The following CLPTM1 variants were observed in gnomAD, a reference collection of about 807,000 sequenced individuals.
CLPTM1 encodes CLPTM1 regulator of GABA type A receptor forward trafficking.
CLPTM1 carries 21 observed loss-of-function variants against 77.3 expected under a neutral mutation model. The ratio of observed to expected loss-of-function variants is 0.27; its 90% CI spans 0.19 to 0.39. CLPTM1 has a LOEUF of 0.39. CLPTM1 is among the 10% of genes least tolerant of loss of function. CLPTM1 has a pLI of 1.00. For missense variants in CLPTM1, 642 were observed against 921.2 expected (o/e 0.70, Z 3.92); for synonymous variants, 373 against 381.0 (o/e 0.98, Z 0.24).
chr19:44,976,000 C>G (rs1428512363), intron 4 of CLPTM1, among the ~76,000 whole-genome samples: 2 of 152,140 alleles, frequency 1.3e-5, no homozygotes, highest in African/African-American at 4.8e-5. Context: ...GTAGCTGGGA[C>G]AACAGGCATG....
Position 44,974,730 on chromosome 19 carries a change from G to C in CLPTM1, c.468+133G>C. ...CTTGGCCCTTCCCTGGGCTCACATG[G>C]TCTGTGACCACAAGCCAGTCCCTGA... On this transcript the variant is annotated intron_variant, in intron 4 of 13. Transcript: ENST00000337392. 5 of 974,154 alleles carry C rather than the reference G, an allele frequency of 5.1e-6. No homozygotes were observed. The South Asian group carries it at 8.6e-5, about 17-fold the overall frequency. The allele number at this position is 974,154 out of a possible 1,614,324, so 60.3% of individuals were successfully genotyped here.
chr19:44,954,914 A>C, upstream of CLPTM1: 1 of 1,437,384 alleles, frequency 7.0e-7, no homozygotes, highest in Non-Finnish European at 9.4e-7. Flanking sequence ...GCAAAAGGCT[A>C]GTTCTTCGAA....
chr19:44,977,977 G>A (rs1970832021), intron 5 of CLPTM1, among the ~76,000 whole-genome samples: 1 of 152,126 alleles, frequency 6.6e-6, no homozygotes, highest in South Asian at 2.1e-4. Flanking sequence ...AACTAGCTGG[G>A]CGTGTGCCTG....
chr19:44,961,919 C>G, intron 1 of CLPTM1, 44 bp from the exon 2 acceptor site: 1 of 1,356,390 alleles, frequency 7.4e-7, no homozygotes, highest in South Asian at 1.4e-5. Flanking sequence ...AAGACAGCCC[C>G]CGTGTCCATT....
In CLPTM1 at chr19:44,989,666, C is replaced by T. The variant is rs1010814225; in HGVS notation, c.1133-729C>T. 4.6e-5 allele frequency among the ~76,000 whole-genome samples: 7 copies of T among 152,252 alleles called. No homozygotes were observed. In the East Asian group the frequency reaches 1.2e-3, roughly 25 times the overall value. The stretch of plus-strand genomic sequence containing the variant: ...CCTGAGTGCAGAGCTGGCCCTGACT[C>T]TGCAGGACTGCAGACCTGGCTCCAC... On this transcript the variant is annotated intron_variant, in intron 9 of 13. Coordinates refer to ENST00000337392, the MANE Select transcript of CLPTM1 (RefSeq NM_001294.4).
chr19:44,990,957 G>T lies in CLPTM1; in HGVS notation c.1419+12G>T. 6.3e-7 allele frequency: 1 copy of T among 1,588,044 alleles called. No individual in the cohort carries two copies. Among genetic ancestry groups the T allele is most frequent in the Non-Finnish European group, 8.6e-7 (1 of 1,165,266 alleles). Reference sequence around the variant, plus strand: ...AAGTGTATGATGATGTGAGTGTCCTGCACAGTGGGCCCCTGGGGGTGGTCT... The same window carrying T: ...AAGTGTATGATGATGTGAGTGTCCTTCACAGTGGGCCCCTGGGGGTGGTCT... On this transcript the variant is annotated intron_variant, in intron 11 of 13. Coordinates refer to ENST00000337392, the MANE Select transcript of CLPTM1 (RefSeq NM_001294.4). The surrounding 1 kb of genome is among the most constrained non-coding windows in gnomAD (Gnocchi z 4.8).
At chr19:44,972,495 C>T (rs1970736548) in intron 2 of CLPTM1, among the ~76,000 whole-genome samples, 6 of 152,000 alleles carry the variant, frequency 3.9e-5, no homozygotes, top group Admixed American at 1.3e-4. Context: ...GTGATCCGCC[C>T]GCCTTGGCCT....
intron 2 of CLPTM1, among the ~76,000 whole-genome samples, chr19:44,971,867 CTTTTTTTTTT>C (rs10693027): frequency 2.4e-5 from 2 of 83,288 alleles, no homozygotes; most frequent in South Asian, 4.2e-4. Flanking sequence ...CCCAATTATA[CTTTTTTTTTT>C]TTTTTTTTTT....
intron 5 of CLPTM1, among the ~76,000 whole-genome samples, chr19:44,979,528 C>G (rs1204742946): frequency 6.6e-6 from 1 of 152,162 alleles, no homozygotes; most frequent in Non-Finnish European, 1.5e-5. Context: ...AGACAGAATT[C>G]TATTTGTATG....
At position 44,982,151 on chromosome 19, in the gene CLPTM1, C is replaced by A. The variant is rs189796456; in HGVS notation, c.587-3067C>A. Among the ~76,000 whole-genome samples the A allele has an allele frequency of 9.4e-4, 143 of 151,842 alleles. 1 individual carries two copies. The South Asian group carries it at 0.015, about 16-fold the overall frequency. ...ATCACTTGAGGCCAGGAGTTTGAGA[C>A]CAGCCTGGCCAACATAATGAAACCC... On this transcript the variant is annotated intron_variant, in intron 5 of 13. Coordinates refer to ENST00000337392, the MANE Select transcript of CLPTM1 (RefSeq NM_001294.4).
At chr19:44,972,003 T>C (rs1312079534) in intron 2 of CLPTM1, among the ~76,000 whole-genome samples, 4 of 147,892 alleles carry the variant, frequency 2.7e-5, no homozygotes, top group African/African-American at 1.0e-4. Flanking sequence ...CCCAAGTAGA[T>C]GGGACTAGAG....
intron 6 of CLPTM1, among the ~76,000 whole-genome samples, chr19:44,985,640 A>G (rs1333909049): frequency 6.6e-6 from 1 of 152,212 alleles, no homozygotes; most frequent in Non-Finnish European, 1.5e-5. Flanking sequence ...GCCAGGCCCC[A>G]GAGCCCAAGC....
At chr19:44,979,525 A>G (rs1242225296) in intron 5 of CLPTM1, among the ~76,000 whole-genome samples, 1 of 152,192 alleles carries the variant, frequency 6.6e-6, no homozygotes, top group African/African-American at 2.4e-5. Flanking sequence ...AACAGACAGA[A>G]TTCTATTTGT....
chr19:44,955,106 G>A (rs891113021), upstream of CLPTM1: 8 of 1,535,600 alleles, frequency 5.2e-6, no homozygotes, highest in African/African-American at 6.8e-5. Flanking sequence ...GTGAAGGGAC[G>A]GAAGGGACAG....
In CLPTM1 at chr19:44,991,183, G is replaced by A; in HGVS notation, c.1420-55G>A. 6.2e-7 allele frequency: 1 copy of A among 1,607,254 alleles called. No individual in the cohort carries two copies. Among genetic ancestry groups the A allele is most frequent in the Middle Eastern group, 1.8e-4 (1 of 5,600 alleles). On this transcript the variant is annotated intron_variant, in intron 11 of 13. Transcript: ENST00000337392. This position sits in a 1 kb window ranked among gnomAD's most constrained non-coding sequence, Gnocchi z 5.4. ...TGTGGTGGGTGAGGGCGGGGAGCAG[G>A]GCTGCCAGGCAGGGCTGAGGAGCTG...
At chr19:44,962,442 C>T (rs1213366118) in intron 2 of CLPTM1, among the ~76,000 whole-genome samples, 1 of 152,114 alleles carries the variant, frequency 6.6e-6, no homozygotes, top group Non-Finnish European at 1.5e-5. Context: ...GGCTGGAAGT[C>T]CAGGATCCAG....
chr19:44,981,819 G>A (rs1413915386), intron 5 of CLPTM1, among the ~76,000 whole-genome samples: 1 of 151,450 alleles, frequency 6.6e-6, no homozygotes, highest in African/African-American at 2.4e-5. Context: ...CCTGAGGTAG[G>A]AGGATCACCC....
chr19:44,974,474 T>C lies in CLPTM1; in HGVS notation c.345T>C (p.Phe115=), dbSNP rs11541461. ...LHVYISEHEH[F]TDFNATSALF... The stretch of plus-strand genomic sequence containing the variant: ...TGTACATCTCAGAGCACGAGCACTT[T>C]ACAGACTTCAACGCCACGTCGGCAC... The change falls in exon 4 of 14, where the codon TTT becomes TTC. Residue 115 remains phenylalanine, a synonymous_variant. Transcript: ENST00000337392. The C allele has an allele frequency of 7.7e-3, 12,386 of 1,614,098 alleles. 116 individuals carry two copies. The highest frequency in any genetic ancestry group is 8.9e-3 in the Non-Finnish European group (10,505 of 1,179,992).
Position 44,985,215 on chromosome 19 carries a change from C to T in CLPTM1, c.587-3C>T. ...CCCCTCCTTTCCCACCTCCCAACCA[C>T]AGTGATCAACAAATACAAGCGCAGA... On this transcript the variant is annotated splice_polypyrimidine_tract_variant and splice_region_variant and intron_variant, in intron 5 of 13. Transcript: ENST00000337392. 1 of 1,612,990 alleles carries T rather than the reference C, an allele frequency of 6.2e-7. No individual in the cohort carries two copies. The highest frequency in any genetic ancestry group is 8.5e-7 in the Non-Finnish European group (1 of 1,179,256).
Sources: gnomAD v4.1 joint callset for allele counts (sites outside exome capture counted in the v4.1 genomes callset) on GRCh38, gnomAD v4.1.1 for gene constraint, Gnocchi (gnomAD v3.1) non-coding constraint, MANE v1.5 for transcripts, NCBI Gene and HGNC (gene_info 2026-07-23, HGNC 2026-07-21) for gene names.